Variants in SFTPC observed in about 807,000 individuals in gnomAD.
SFTPC encodes the protein BRICHOS domain containing 6.
Under a neutral mutation model 19.9 loss-of-function variants are expected in SFTPC, and 12 were observed. That is an observed-to-expected ratio of 0.60 (90% CI 0.39 to 0.98). The LOEUF (loss-of-function observed/expected upper bound fraction) is 0.98, where lower values mean the gene tolerates loss of function less well. Among genes scored for constraint, SFTPC ranks in the 50% least tolerant of loss-of-function variants. The pLI is 0.00. For missense variants in SFTPC, 219 were observed against 252.2 expected, an observed-to-expected ratio of 0.87 and a Z score of 0.89; for synonymous variants, 123 against 103.3, an observed-to-expected ratio of 1.19 and a Z score of -1.16.
At chr8:22,159,453 C>T, upstream of SFTPC, 1 of 320,744 alleles carries the variant, frequency 3.1e-6, no homozygotes, top group South Asian at 2.3e-5. Flanking sequence ...GCTAAAGGTC[C>T]TTCTGTGTCT....
intron 3 of SFTPC, 105 bp downstream of exon 3, chr8:22,163,307 C>G: frequency 1.3e-6 from 2 of 1,559,088 alleles, no homozygotes; most frequent in Non-Finnish European, 8.8e-7. Flanking sequence ...CTCCTCCAGA[C>G]CTTTTTTGCC....
At chr8:22,159,126 G>A (rs1389693284), upstream of SFTPC, 1 of 152,466 alleles carries the variant, frequency 6.6e-6, no homozygotes, top group African/African-American at 2.4e-5. Context: ...CATTCAGAGA[G>A]GTGGAAGGTC....
chr8:22,162,839 A>G, intron 2 of SFTPC, 107 bp downstream of exon 2: 2 of 1,468,918 alleles, frequency 1.4e-6, no homozygotes, highest in Non-Finnish European at 1.9e-6. Flanking sequence ...GGGAGGAGGC[A>G]AGGGGCACAG....
chr8:22,162,707 A>G lies in SFTPC; in HGVS notation c.176A>G (p.His59Arg), dbSNP rs201567623. The part of the protein sequence containing the change: ...VIVGALLMGL[H>R]MSQKHTEMVL... ...GTGGGAGCCCTGCTCATGGGTCTCC[A>G]CATGAGCCAGAAACACACGGAGATG... The change falls in exon 2 of 6, where the codon CAC becomes CGC. Residue 59 changes from histidine to arginine, a missense_variant. Physicochemically the swap from His to Arg is conservative, Grantham distance 29 (BLOSUM62 0). Coordinates refer to ENST00000679463, the MANE Select transcript of SFTPC (RefSeq NM_001317778.2). 2.0e-4 allele frequency: 317 copies of G among 1,614,122 alleles called. 1 individual carries two copies. The highest frequency in any genetic ancestry group is 8.2e-4 in the Middle Eastern group (5 of 6,082).
At chr8:22,162,483 C>A in intron 1 of SFTPC, 91 bp from the exon 2 acceptor site, 1 of 1,446,508 alleles carries the variant, frequency 6.9e-7, no homozygotes, top group Non-Finnish European at 9.7e-7. Context: ...CAGCCCTAGG[C>A]AGCCGTGGGA....
upstream of SFTPC, chr8:22,159,667 T>C (rs1827635310): frequency 2.8e-6 from 2 of 708,836 alleles, no homozygotes; most frequent in East Asian, 6.5e-5. Flanking sequence ...GAGCAGAGGC[T>C]TTTTCAAAGA....
At chr8:22,158,044 C>T (rs1355912493), upstream of SFTPC, among the ~76,000 whole-genome samples, 2 of 152,214 alleles carry the variant, frequency 1.3e-5, no homozygotes, top group Non-Finnish European at 2.9e-5. Context: ...ACCACGTTAG[C>T]TCCCCTGTGG....
At chr8:22,158,881 C>T (rs1350287799), upstream of SFTPC, 4 of 152,220 alleles carry the variant, frequency 2.6e-5, no homozygotes, top group African/African-American at 9.7e-5. Flanking sequence ...TGCTTCCTGC[C>T]CAGTGGCAGG....
At position 22,164,046 on chromosome 8, in the gene SFTPC, C is replaced by A. The variant is rs1449561269; in HGVS notation, c.*5C>A. The A allele has an allele frequency of 6.2e-7, 1 of 1,611,790 alleles. No homozygotes were observed. The highest frequency in any genetic ancestry group is 8.5e-7 in the Non-Finnish European group (1 of 1,180,022). ...GTGCCGCTCTACTACATCTAGGACGCCTCCGGTGAGCAGGTGTGATCCCAG... is the reference window on the plus strand; with the variant it reads ...GTGCCGCTCTACTACATCTAGGACGACTCCGGTGAGCAGGTGTGATCCCAG... On this transcript the variant is annotated 3_prime_UTR_variant, in exon 5 of 6. Transcript: ENST00000679463.
chr8:22,161,870 G>T lies in SFTPC; in HGVS notation c.42G>T (p.Pro14=). The change falls in exon 1 of 6, where the codon CCG becomes CCT. Residue 14 remains proline, a splice_region_variant and synonymous_variant. Transcript: ENST00000679463. ...AAGAGGTCCTGATGGAGAGCCCGCC[G>T]GTGAGTGTGGTTGCGTGTGTGTATG... ...GSKEVLMESP[P]DYSAAPRGRF... is the part of the protein sequence containing the mutation. 6.2e-7 allele frequency: 1 copy of T among 1,613,964 alleles called. No homozygotes were observed. The highest frequency in any genetic ancestry group is 8.5e-7 in the Non-Finnish European group (1 of 1,179,980).
upstream of SFTPC, among the ~76,000 whole-genome samples, chr8:22,160,529 G>A (rs753211503): frequency 1.1e-4 from 17 of 152,300 alleles, no homozygotes; most frequent in Admixed American, 2.0e-4. Context: ...GAGGATCACC[G>A]GAGTCCAGGA....
chr8:22,162,696 C>G lies in SFTPC; in HGVS notation c.165C>G (p.Leu55=), dbSNP rs1827798275. The change falls in exon 2 of 6, where the codon CTC becomes CTG. Residue 55 remains leucine, a synonymous_variant. Transcript: ENST00000679463. The part of the protein sequence containing the change: ...LIVVVIVGAL[L]MGLHMSQKHT... ...TCGTGGTGATTGTGGGAGCCCTGCTCATGGGTCTCCACATGAGCCAGAAAC... is the reference window on the plus strand; with the variant it reads ...TCGTGGTGATTGTGGGAGCCCTGCTGATGGGTCTCCACATGAGCCAGAAAC... The G allele has an allele frequency of 1.2e-6, 2 of 1,614,054 alleles. No individual in the cohort carries two copies. The highest frequency in any genetic ancestry group is 2.2e-5 in the East Asian group (1 of 44,896).
chr8:22,161,905 G>A lies in SFTPC; in HGVS notation c.42+35G>A, dbSNP rs8192340. On this transcript the variant is annotated intron_variant, in intron 1 of 5. Transcript: ENST00000679463. ...GTTGCGTGTGTGTATGTATGTGTGC[G>A]CGCGCACATGTGTGTGATGGGCCCT... 0.064 allele frequency: 102,551 copies of A among 1,602,206 alleles called. 4,099 individuals carry two copies. Among genetic ancestry groups the A allele is most frequent in the Non-Finnish European group, 0.068 (79,823 of 1,169,686 alleles).
In SFTPC at chr8:22,163,106, G is replaced by A. The variant is rs75413490; in HGVS notation, c.228G>A (p.Pro76=). 2.5e-4 allele frequency: 408 copies of A among 1,614,144 alleles called. 4 individuals are homozygous for A. The East Asian group carries it at 7.3e-3, about 29-fold the overall frequency. The change falls in exon 3 of 6, where the codon CCG becomes CCA. Residue 76 remains proline, a synonymous_variant. Transcript: ENST00000679463. The stretch of plus-strand genomic sequence containing the variant: ...TTCTGGAGATGAGCATTGGGGCGCC[G>A]GAAGCCCAGCAACGCCTGGCCCTGA... ...EMVLEMSIGA[P]EAQQRLALSE...
At chr8:22,161,328 G>A (rs1480326320), upstream of SFTPC, among the ~76,000 whole-genome samples, 1 of 152,184 alleles carries the variant, frequency 6.6e-6, no homozygotes, top group African/African-American at 2.4e-5. Flanking sequence ...CTCCTGCCTT[G>A]GGCAGAGTCC....
At chr8:22,161,621 A>G, upstream of SFTPC, 1 of 1,502,108 alleles carries the variant, frequency 6.7e-7, no homozygotes, top group Non-Finnish European at 8.9e-7. Flanking sequence ...CTCATGTGCC[A>G]GGGCCAAGGG....
intron 4 of SFTPC, 92 bp downstream of exon 4, chr8:22,163,638 C>A (rs1158744971): frequency 2.0e-5 from 18 of 922,470 alleles, no homozygotes; most frequent in Non-Finnish European, 3.2e-5. Context: ...ACCTGTAAAG[C>A]ACTGTTCCTC....
At position 22,163,105 on chromosome 8, in the gene SFTPC, C is replaced by A. The variant is rs201454136; in HGVS notation, c.227C>A (p.Pro76Gln). 9.3e-6 allele frequency: 15 copies of A among 1,614,008 alleles called. No homozygotes were observed. The highest frequency in any genetic ancestry group is 1.7e-5 in the Admixed American group (1 of 60,004). ...GTTCTGGAGATGAGCATTGGGGCGCCGGAAGCCCAGCAACGCCTGGCCCTG... is the reference window on the plus strand; with the variant it reads ...GTTCTGGAGATGAGCATTGGGGCGCAGGAAGCCCAGCAACGCCTGGCCCTG... ...EMVLEMSIGA[P>Q]EAQQRLALSE... is the part of the protein sequence containing the mutation. The change falls in exon 3 of 6, where the codon CCG (proline) becomes CAG (glutamine). Residue 76 changes from proline to glutamine, a missense_variant. Physicochemically the swap from Pro to Gln is moderately conservative, Grantham distance 76. Coordinates refer to ENST00000679463, the MANE Select transcript of SFTPC (RefSeq NM_001317778.2).
rs777114058 is a variant in SFTPC, at chr8:22,163,959, C to T, written c.494C>T (p.Ser165Leu). Reference sequence around the variant, plus strand: ...CAGGCAGAGGGGCGAGATGCAGGCTCAGCACCCTCCGGAGGGGACCCGGCC... The same window carrying T: ...CAGGCAGAGGGGCGAGATGCAGGCTTAGCACCCTCCGGAGGGGACCCGGCC... ...LGQAEGRDAG[S>L]APSGGDPAFL... Residue 165 changes from serine to leucine, a missense_variant, in exon 5 of 6, where the codon TCA becomes TTA. Physicochemically the swap from Ser to Leu is moderately radical, Grantham distance 145. Coordinates refer to ENST00000679463, the MANE Select transcript of SFTPC (RefSeq NM_001317778.2). 6.2e-7 allele frequency: 1 copy of T among 1,613,446 alleles called. No homozygotes were observed. The highest frequency in any genetic ancestry group is 8.5e-7 in the Non-Finnish European group (1 of 1,180,038).
Sources: gnomAD v4.1 joint callset for allele counts (sites outside exome capture counted in the v4.1 genomes callset) on GRCh38, gnomAD v4.1.1 for gene constraint, MANE v1.5 for transcripts, NCBI Gene and HGNC (gene_info 2026-07-23, HGNC 2026-07-21) for gene names.